Variants in CUX2 observed in about 807,000 individuals in gnomAD.
CUX2 encodes homeobox protein cut-like 2.
Under a neutral mutation model 144.8 loss-of-function variants are expected in CUX2, and 40 were observed. The observed-to-expected ratio is 0.28, with a 90% CI of 0.21 to 0.36. The LOEUF (loss-of-function observed/expected upper bound fraction) is 0.36. Ranked by LOEUF, CUX2 falls within the 10% of genes least tolerant of loss-of-function variation. CUX2 has a pLI of 1.00. For missense variants in CUX2, 1,615 were observed against 1,994.0 expected (o/e 0.81, Z 3.62); for synonymous variants, 827 against 875.6 (o/e 0.94, Z 0.98).
intron 18 of CUX2, among the ~76,000 whole-genome samples, chr12:111,325,242 C>T (rs916748788): frequency 1.3e-5 from 2 of 151,462 alleles, no homozygotes; most frequent in African/African-American, 2.4e-5. Flanking sequence ...TGCAATGAGC[C>T]GAGATCCTGT....
chr12:111,149,517 A>G (rs151198956), intron 1 of CUX2, among the ~76,000 whole-genome samples: 76 of 152,246 alleles, frequency 5.0e-4, no homozygotes, highest in African/African-American at 1.8e-3. Context: ...GCCCCCCACA[A>G]TCCCAAAGTG....
At chr12:111,105,299 G>A (rs1337587750) in intron 1 of CUX2, among the ~76,000 whole-genome samples, 1 of 152,244 alleles carries the variant, frequency 6.6e-6, no homozygotes, top group African/African-American at 2.4e-5. Flanking sequence ...GGGGTTTGGG[G>A]GTTTTGGAAT....
chr12:111,121,736 T>G (rs1874707962), intron 1 of CUX2, among the ~76,000 whole-genome samples: 2 of 151,926 alleles, frequency 1.3e-5, no homozygotes, highest in African/African-American at 4.8e-5. Flanking sequence ...TTAAGATAAT[T>G]TTTCCCCCAT....
In CUX2 at chr12:111,291,495, C is replaced by G. The variant is rs567227667; in HGVS notation, c.379C>G (p.Pro127Ala). ...QPPSFDPSGQ[P>A]RRDLHTSWKR... ...CCCCAGCTTTGACCCCAGTGGGCAG[C>G]CCCGGCGAGACCTCCACACTTCGTG... Residue 127 changes from proline to alanine, a missense_variant, in exon 5 of 22, where the codon CCC (proline) becomes GCC (alanine). Transcript: ENST00000261726. 1.9e-6 allele frequency: 3 copies of G among 1,612,142 alleles called. No homozygotes were observed. The highest frequency in any genetic ancestry group is 1.7e-4 in the Middle Eastern group (1 of 6,046).
At chr12:111,305,322 C>T (rs1034505493) in intron 10 of CUX2, among the ~76,000 whole-genome samples, 12 of 152,164 alleles carry the variant, frequency 7.9e-5, no homozygotes, top group South Asian at 2.1e-4. Context: ...CCTGAACTTG[C>T]GAGCATAATT....
At chr12:111,245,199 A>G (rs1420195970) in intron 3 of CUX2, among the ~76,000 whole-genome samples, 1 of 152,002 alleles carries the variant, frequency 6.6e-6, no homozygotes, top group African/African-American at 2.4e-5. Context: ...GTTCTATGGT[A>G]TGGCAGGAGG....
chr12:111,320,826 A>G lies in CUX2; in HGVS notation c.2766+51A>G. 1 of 1,423,486 alleles carries G rather than the reference A, an allele frequency of 7.0e-7. No individual in the cohort carries two copies. Among genetic ancestry groups the G allele is most frequent in the Admixed American group, 2.7e-5 (1 of 36,378 alleles). 88.2% of individuals were successfully genotyped at this position (1,423,486 alleles called of 1,614,324 possible). On this transcript the variant is annotated intron_variant, in intron 17 of 21. Coordinates refer to ENST00000261726, the MANE Select transcript of CUX2 (RefSeq NM_015267.4). This position sits in a 1 kb window ranked among gnomAD's most constrained non-coding sequence, Gnocchi z 8.1. ...TCTGGGCTCTGGGAGAAGATGTCGGAGAAGTAGGATGCCCACCCAAGCAGG... is the reference window on the plus strand; with the variant it reads ...TCTGGGCTCTGGGAGAAGATGTCGGGGAAGTAGGATGCCCACCCAAGCAGG...
chr12:111,137,728 T>A (rs930428621), intron 1 of CUX2, among the ~76,000 whole-genome samples: 4 of 152,240 alleles, frequency 2.6e-5, no homozygotes, highest in African/African-American at 4.8e-5. Context: ...TTGCCCAAGC[T>A]GGCCTCGAAC....
At chr12:111,226,521 T>C (rs143447594) in intron 3 of CUX2, among the ~76,000 whole-genome samples, 3 of 152,190 alleles carry the variant, frequency 2.0e-5, no homozygotes, top group East Asian at 1.9e-4. Flanking sequence ...AATGCTTTTT[T>C]CCCCCCAGTT....
intron 1 of CUX2, among the ~76,000 whole-genome samples, chr12:111,128,928 C>A (rs1047714067): frequency 6.6e-6 from 1 of 152,224 alleles, no homozygotes; most frequent in African/African-American, 2.4e-5. Flanking sequence ...TTCTGGGTCC[C>A]ACTCCAAACT....
intron 1 of CUX2, among the ~76,000 whole-genome samples, chr12:111,139,074 C>T (rs577342803): frequency 1.2e-4 from 18 of 151,908 alleles, no homozygotes; most frequent in African/African-American, 4.3e-4. Context: ...GACTACAGGC[C>T]CGTCTTTGAT....
chr12:111,115,642 T>C (rs1237950264), intron 1 of CUX2, among the ~76,000 whole-genome samples: 1 of 152,182 alleles, frequency 6.6e-6, no homozygotes, highest in African/African-American at 2.4e-5. Context: ...CTGCTTACTC[T>C]TACTCCTCTA....
At chr12:111,136,927 G>A (rs890299442) in intron 1 of CUX2, among the ~76,000 whole-genome samples, 1 of 150,862 alleles carries the variant, frequency 6.6e-6, no homozygotes, top group African/African-American at 2.5e-5. Flanking sequence ...AGAATCCGCT[G>A]TTTATTTTTT....
At position 111,061,670 on chromosome 12, in the gene CUX2, G is replaced by A. The variant is rs947600434; in HGVS notation, c.63+27430G>A. ...TCTCCACGTCATTTTGCTGTCTTTCGGACAAGCGTTTTACCTGCCCGATGT... is the reference window on the plus strand; with the variant it reads ...TCTCCACGTCATTTTGCTGTCTTTCAGACAAGCGTTTTACCTGCCCGATGT... On this transcript the variant is annotated intron_variant, in intron 1 of 21. Transcript: ENST00000261726. The surrounding 1 kb of genome is among the most constrained non-coding windows in gnomAD (Gnocchi z 4.2). 3.3e-5 allele frequency among the ~76,000 whole-genome samples: 5 copies of A among 152,074 alleles called. 1 individual carries two copies. The highest frequency in any genetic ancestry group is 4.2e-4 in the South Asian group (2 of 4,818).
Position 111,347,870 on chromosome 12 carries a change from C to T in CUX2, c.4006C>T (p.Pro1336Ser), listed in dbSNP as rs1888885445. ...CCCCAAAGAGGAGCATCCCGACCCT[C>T]CGGGTAATGATGGACTCCCAAAAGT... Reference protein sequence around the residue: ...GPPKEEHPDPPGNDGLPKVAP... With the variant: ...GPPKEEHPDPSGNDGLPKVAP... Residue 1336 changes from proline to serine, a missense_variant, in exon 22 of 22, where the codon CCG becomes TCG. By Grantham distance (74) the Pro-to-Ser change is moderately conservative. Coordinates refer to ENST00000261726, the MANE Select transcript of CUX2 (RefSeq NM_015267.4). The T allele has an allele frequency of 6.2e-7, 1 of 1,614,142 alleles. No homozygotes were observed. The highest frequency in any genetic ancestry group is 2.2e-5 in the East Asian group (1 of 44,876).
chr12:111,219,144 C>T (rs1477983149), intron 3 of CUX2, among the ~76,000 whole-genome samples: 1 of 152,206 alleles, frequency 6.6e-6, no homozygotes, highest in Non-Finnish European at 1.5e-5. Flanking sequence ...TTTGGAACCA[C>T]ATAAGCACAT....
intron 19 of CUX2, among the ~76,000 whole-genome samples, chr12:111,336,425 TGTG>T (rs971773704): frequency 2.3e-5 from 1 of 44,110 alleles, no homozygotes; most frequent in Non-Finnish European, 3.2e-5. Flanking sequence ...ACTTCAGTGT[TGTG>T]TGTGTGTGTG....
chr12:111,290,545 A>ATG (rs1260602255), intron 4 of CUX2, among the ~76,000 whole-genome samples: 275 of 151,850 alleles, frequency 1.8e-3, no homozygotes, highest in Middle Eastern at 0.017. Context: ...CTCCTGCCTC[A>ATG]GCCTCCCAAG....
chr12:111,136,236 C>T (rs935559285), intron 1 of CUX2, among the ~76,000 whole-genome samples: 8 of 151,862 alleles, frequency 5.3e-5, no homozygotes, highest in African/African-American at 1.7e-4. Context: ...AGAAGTGACG[C>T]GATTCTCGGT....
Sources: gnomAD v4.1 joint callset for allele counts (sites outside exome capture counted in the v4.1 genomes callset) on GRCh38, gnomAD v4.1.1 for gene constraint, Gnocchi (gnomAD v3.1) non-coding constraint, MANE v1.5 for transcripts, NCBI Gene and HGNC (gene_info 2026-07-23, HGNC 2026-07-21) for gene names.